Variants in GKN2 observed in about 807,000 individuals in gnomAD.
The protein encoded by GKN2 is gastrokine-2.
A neutral mutation model predicts 22.7 loss-of-function variants in GKN2; 17 were observed. The ratio of observed to expected loss-of-function variants is 0.75; its 90% CI spans 0.51 to 1.13. The LOEUF (loss-of-function observed/expected upper bound fraction) is 1.13, where lower values mean the gene tolerates loss of function less well. Ranked by LOEUF, GKN2 falls within the 50% of genes most tolerant of loss-of-function variation. The pLI, the probability that GKN2 is intolerant of heterozygous loss-of-function variation, is 0.00. For synonymous variants in GKN2, 82 were observed against 79.6 expected (o/e 1.03, Z -0.16); for missense variants, 248 against 221.4 (o/e 1.12, Z -0.76).
At position 68,947,220 on chromosome 2, in the gene GKN2, C is replaced by T. The variant is rs747548666; in HGVS notation, c.242G>A (p.Cys81Tyr). Residue 81 changes from cysteine (C) to tyrosine (Y), a missense_variant, in exon 4 of 6, where the codon TGC becomes TAC. Coordinates refer to ENST00000328895, the MANE Select transcript of GKN2 (RefSeq NM_182536.3). ...CTGATGGTCCATCTTCAGGATAAAG[C>T]AGGCTCTTCGGGAGAGCACCCTGGA... ...IASRVLSRRA[C>Y]FILKMDHQNI... 3 of 1,613,954 alleles carry T rather than the reference C, an allele frequency of 1.9e-6. No homozygotes were observed. In the East Asian group the frequency reaches 6.7e-5, roughly 36 times the overall value.
intron 3 of GKN2, among the ~76,000 whole-genome samples, chr2:68,948,674 C>A (rs1669809839): frequency 1.3e-5 from 2 of 152,290 alleles, no homozygotes; most frequent in East Asian, 3.9e-4. Context: ...CCAGATGGGA[C>A]CTAAGGCCAC....
At position 68,945,967 on chromosome 2, in the gene GKN2, G is replaced by A. The variant is rs938732995; in HGVS notation, c.472+337C>T. 1.4e-5 allele frequency: 5 copies of A among 352,540 alleles called. No homozygotes were observed. In the Admixed American group the frequency reaches 2.2e-4, roughly 15 times the overall value. The allele number at this position is 352,540 out of a possible 1,614,324, so 21.8% of individuals were successfully genotyped here. ...TTATCTTCAAAATATGCTATTCTAA[G>A]GGCCCAGATGACTTTTTGCTACTTG... On this transcript the variant is annotated intron_variant, in intron 5 of 5. Transcript: ENST00000328895.
intron 2 of GKN2, 77 bp downstream of exon 2, chr2:68,950,625 G>T: frequency 7.7e-7 from 1 of 1,301,384 alleles, no homozygotes; most frequent in Non-Finnish European, 1.1e-6. Context: ...CCTCTCTACT[G>T]TCTTCAGGCT....
chr2:68,950,050 G>C, intron 3 of GKN2, 76 bp downstream of exon 3: 1 of 1,158,824 alleles, frequency 8.6e-7, no homozygotes, highest in South Asian at 1.9e-5. Context: ...AAGTATATAT[G>C]CCCCATATAT....
Position 68,947,189 on chromosome 2 carries a change from G to A in GKN2, c.273C>T (p.Ile91=), listed in dbSNP as rs1669783908. ...ACCATTGGAGATTGTTCAGAGGAGG[G>A]ATGTTCTGATGGTCCATCTTCAGGA... The part of the protein sequence containing the change: ...CFILKMDHQN[I]PPLNNLQWYI... The change falls in exon 4 of 6, where the codon ATC becomes ATT. Residue 91 remains isoleucine (I), a synonymous_variant. Transcript: ENST00000328895. The A allele has an allele frequency of 2.5e-6, 4 of 1,613,714 alleles. No homozygotes were observed. In the South Asian group the frequency reaches 3.3e-5, roughly 13 times the overall value.
intron 5 of GKN2, chr2:68,945,729 G>A: frequency 3.5e-6 from 1 of 286,358 alleles, no homozygotes; most frequent in South Asian, 8.2e-5. Flanking sequence ...TTCCTTTGTT[G>A]TGTTCATCAT....
chr2:68,947,821 C>T (rs567158753), intron 3 of GKN2, among the ~76,000 whole-genome samples: 2 of 152,118 alleles, frequency 1.3e-5, no homozygotes, highest in Non-Finnish European at 2.9e-5. Context: ...AACTCCTGAT[C>T]TCAAGTGATC....
Position 68,945,604 on chromosome 2 carries a change from C to T in GKN2, c.473-154G>A, listed in dbSNP as rs988783766. 1.6e-5 allele frequency: 9 copies of T among 557,138 alleles called. No individual in the cohort carries two copies. In the African/African-American group the frequency reaches 1.7e-4, roughly 10 times the overall value. 34.5% of individuals were successfully genotyped at this position (557,138 alleles called of 1,614,324 possible). A position where few individuals can be genotyped will look rare whatever the true frequency, so the allele number is the denominator to read the frequency against. On this transcript the variant is annotated intron_variant, in intron 5 of 5. Coordinates refer to ENST00000328895, the MANE Select transcript of GKN2 (RefSeq NM_182536.3). The stretch of plus-strand genomic sequence containing the variant: ...ATATTATGCCATTCTGTGTCAATGG[C>T]ATACCTATGTGCCTTTATTTACTTT...
chr2:68,950,305 A>T, intron 2 of GKN2, 42 bp from the exon 3 acceptor site: 1 of 1,571,474 alleles, frequency 6.4e-7, no homozygotes. Context: ...CATAAATCTT[A>T]TATATTTGAA....
chr2:68,951,779 T>C (rs1405136349), intron 1 of GKN2, among the ~76,000 whole-genome samples: 3 of 152,206 alleles, frequency 2.0e-5, no homozygotes. Flanking sequence ...GAGTCTAAAA[T>C]AGTGGTTTGA....
chr2:68,946,255 A>G, intron 5 of GKN2, 49 bp downstream of exon 5: 1 of 1,525,408 alleles, frequency 6.6e-7, no homozygotes, highest in Non-Finnish European at 8.9e-7. Context: ...CCTGGCACAT[A>G]GTAGCTTTCA....
chr2:68,951,170 A>G (rs1669848861), intron 1 of GKN2, among the ~76,000 whole-genome samples: 1 of 152,176 alleles, frequency 6.6e-6, no homozygotes, highest in African/African-American at 2.4e-5. Context: ...TTAATTAATT[A>G]ATTTTAAAAA....
intron 1 of GKN2, among the ~76,000 whole-genome samples, chr2:68,952,310 G>A (rs1265158157): frequency 2.6e-5 from 4 of 152,154 alleles, no homozygotes; most frequent in Non-Finnish European, 5.9e-5. Flanking sequence ...CCACATTTAC[G>A]GGCTTGGGAA....
chr2:68,947,167 A>C lies in GKN2; in HGVS notation c.295T>G (p.Trp99Gly), dbSNP rs1558706217. The C allele has an allele frequency of 6.2e-7, 1 of 1,611,200 alleles. No individual in the cohort carries two copies. The highest frequency in any genetic ancestry group is 8.5e-7 in the Non-Finnish European group (1 of 1,177,356). The stretch of plus-strand genomic sequence containing the variant: ...ATTACCTGTTTCTCATAGATGTACC[A>C]TTGGAGATTGTTCAGAGGAGGGATG... ...QNIPPLNNLQ[W>G]YIYEKQALDN... The change falls in exon 4 of 6, where the codon TGG becomes GGG. Residue 99 changes from tryptophan to glycine, a missense_variant. Trp to Gly is a radical substitution (Grantham distance 184, BLOSUM62 -2). Coordinates refer to ENST00000328895, the MANE Select transcript of GKN2 (RefSeq NM_182536.3).
At chr2:68,949,688 G>T (rs1472900624) in intron 3 of GKN2, among the ~76,000 whole-genome samples, 1 of 152,166 alleles carries the variant, frequency 6.6e-6, no homozygotes, top group East Asian at 1.9e-4. Context: ...CCAAAGTGCT[G>T]GGATTACAGG....
At chr2:68,945,485 T>TA in intron 5 of GKN2, 35 bp from the exon 6 acceptor site, 1 of 1,395,838 alleles carries the variant, frequency 7.2e-7, no homozygotes, top group Middle Eastern at 1.8e-4. Context: ...GAAAGAGCAT[T>TA]AAAAAATATA....
intron 5 of GKN2, 55 bp downstream of exon 5, chr2:68,946,249 G>C (rs1669762340): frequency 2.0e-6 from 3 of 1,486,644 alleles, no homozygotes; most frequent in Middle Eastern, 3.6e-4. Context: ...AGAGCACCTG[G>C]CACATAGTAG....
chr2:68,946,195 C>T (rs1669761797), intron 5 of GKN2, 109 bp downstream of exon 5: 1 of 920,280 alleles, frequency 1.1e-6, no homozygotes, highest in African/African-American at 1.7e-5. Context: ...GCAAACTGAA[C>T]TGAGTACTGT....
In GKN2 at chr2:68,947,232, G is replaced by A; in HGVS notation, c.230C>T (p.Ser77Phe). 1 of 1,613,478 alleles carries A rather than the reference G, an allele frequency of 6.2e-7. No individual in the cohort carries two copies. The highest frequency in any genetic ancestry group is 8.5e-7 in the Non-Finnish European group (1 of 1,179,438). Residue 77 changes from serine (S) to phenylalanine (F), a missense_variant, in exon 4 of 6, where the codon TCC (serine) becomes TTC (phenylalanine). Coordinates refer to ENST00000328895, the MANE Select transcript of GKN2 (RefSeq NM_182536.3). Reference sequence around the variant, plus strand: ...CTTCAGGATAAAGCAGGCTCTTCGGGAGAGCACCCTGGATGCAATGTAGCC... The same window carrying A: ...CTTCAGGATAAAGCAGGCTCTTCGGAAGAGCACCCTGGATGCAATGTAGCC... The part of the protein sequence containing the change: ...KHGYIASRVL[S>F]RRACFILKMD...
Sources: allele counts gnomAD v4.1 joint callset (sites outside exome capture counted in the v4.1 genomes callset), GRCh38; gene constraint gnomAD v4.1.1; transcripts MANE v1.5; gene names NCBI Gene and HGNC (gene_info 2026-07-23, HGNC 2026-07-21).